Variants in CELF2 observed in about 807,000 individuals in gnomAD.
CELF2 encodes CUG triplet repeat RNA-binding protein 2.
Under a neutral mutation model 62.6 loss-of-function variants are expected in CELF2, and 8 were observed. The ratio of observed to expected loss-of-function variants is 0.13; its 90% confidence interval spans 0.07 to 0.23. The LOEUF (loss-of-function observed/expected upper bound fraction) is 0.23, where lower values mean the gene tolerates loss of function less well. Ranked by LOEUF, CELF2 falls within the 10% of genes least tolerant of loss-of-function variation. The pLI is 1.00. For synonymous variants in CELF2, 258 were observed against 250.0 expected, an observed-to-expected ratio of 1.03 and a Z score of -0.30; for missense variants, 333 against 671.0, an observed-to-expected ratio of 0.50 and a Z score of 5.56.
chr10:10,739,704 C>T, the CELF2 span, among the ~76,000 whole-genome samples: 20 of 152,142 alleles, frequency 1.3e-4, 1 homozygote, highest in Admixed American at 5.2e-4. Context: ...CTTATGTCTC[C>T]TTAGTTTCCC....
intron 1 of CELF2, among the ~76,000 whole-genome samples, chr10:11,028,944 C>A (rs1308549309): frequency 6.6e-6 from 1 of 152,154 alleles, no homozygotes; most frequent in African/African-American, 2.4e-5. Context: ...GAACTCCTGA[C>A]CTCAAGTGGT....
At chr10:10,638,434 T>A in the CELF2 span, among the ~76,000 whole-genome samples, 4 of 152,168 alleles carry the variant, frequency 2.6e-5, no homozygotes, top group African/African-American at 9.7e-5. Context: ...AGTGGGATAA[T>A]CAGAGTGTGG....
intron 1 of CELF2, among the ~76,000 whole-genome samples, chr10:10,850,949 G>A (rs1478233240): frequency 1.3e-5 from 2 of 152,014 alleles, no homozygotes; most frequent in Non-Finnish European, 2.9e-5. Context: ...GGGATTATAG[G>A]CGCCCCCCAC....
chr10:11,129,499 G>C (rs1272818573), intron 1 of CELF2, among the ~76,000 whole-genome samples: 1 of 152,128 alleles, frequency 6.6e-6, no homozygotes. Flanking sequence ...CTGTGAATCT[G>C]TCTGGTCCTG....
chr10:11,201,426 T>G (rs971751688), intron 2 of CELF2, among the ~76,000 whole-genome samples: 2 of 152,168 alleles, frequency 1.3e-5, no homozygotes, highest in African/African-American at 4.8e-5. Context: ...TGTGTGTGTG[T>G]TTTGTTACTT....
the CELF2 span, among the ~76,000 whole-genome samples, chr10:10,778,102 G>A: frequency 6.6e-6 from 1 of 152,174 alleles, no homozygotes; most frequent in African/African-American, 2.4e-5. Flanking sequence ...AAAGAGTCCA[G>A]TGTCGTGACA....
the CELF2 span, among the ~76,000 whole-genome samples, chr10:10,691,566 C>T: frequency 6.6e-6 from 1 of 151,936 alleles, no homozygotes; most frequent in East Asian, 1.9e-4. Context: ...CTTCTAGATC[C>T]CTGAGGAATC....
At chr10:11,179,240 G>T (rs894199974) in intron 2 of CELF2, among the ~76,000 whole-genome samples, 6 of 151,454 alleles carry the variant, frequency 4.0e-5, no homozygotes, top group Non-Finnish European at 8.8e-5. Flanking sequence ...TTCTTTCCTG[G>T]CATTCATTCA....
Position 11,173,077 on chromosome 10 carries a change from C to G in CELF2, c.271+7395C>G, listed in dbSNP as rs190100299. Among the ~76,000 whole-genome samples, 3 of 126,768 alleles carry G rather than the reference C, an allele frequency of 2.4e-5. No homozygotes were observed. The East Asian group carries it at 7.1e-4, about 30-fold the overall frequency. 83.2% of individuals were successfully genotyped at this position (126,768 alleles called of 152,430 possible). On this transcript the variant is annotated intron_variant, in intron 2 of 12. Transcript: ENST00000633077. ...TGCATGTCTAGGCTGCCTGTCTAGGCTGCCTGTCTAGAAGCCTCACTTGCC... is the reference window on the plus strand; with the variant it reads ...TGCATGTCTAGGCTGCCTGTCTAGGGTGCCTGTCTAGAAGCCTCACTTGCC...
In CELF2 at chr10:11,330,701, C is replaced by T. The variant is rs375466390; in HGVS notation, c.*1648C>T. On this transcript the variant is annotated 3_prime_UTR_variant, in exon 13 of 13. Coordinates refer to ENST00000633077, the MANE Select transcript of CELF2 (RefSeq NM_001326342.2). The surrounding 1 kb of genome is among the most constrained non-coding windows in gnomAD (Gnocchi z 4.5). ...TGCAAGACTGAAATTTATTATTAGA[C>T]AAATTCATTATAGAAAAAACCTGTG... The T allele has an allele frequency of 6.6e-6, 1 of 152,570 alleles. No homozygotes were observed. Among genetic ancestry groups the T allele is most frequent in the East Asian group, 1.9e-4 (1 of 5,198 alleles). The allele number at this position is 152,570 out of a possible 1,614,324, so 9.5% of individuals were successfully genotyped here.
intron 1 of CELF2, among the ~76,000 whole-genome samples, chr10:10,843,075 T>C (rs2058786565): frequency 6.6e-6 from 1 of 152,006 alleles, no homozygotes; most frequent in African/African-American, 2.4e-5. Context: ...AATTTGTAGT[T>C]ATAGGGTTGT....
chr10:10,668,769 C>A, the CELF2 span, among the ~76,000 whole-genome samples: 2 of 152,044 alleles, frequency 1.3e-5, no homozygotes, highest in East Asian at 1.9e-4. Context: ...ACCAGCCTAG[C>A]CAACATGATG....
In CELF2 at chr10:11,303,929, C is replaced by T. The variant is rs141653255; in HGVS notation, c.977-10210C>T. On this transcript the variant is annotated intron_variant, in intron 9 of 12. Coordinates refer to ENST00000633077, the MANE Select transcript of CELF2 (RefSeq NM_001326342.2). ...CTGTAAAGGACTTAATAGGCTAAGGCATGTGACGTGCTTTTGGCAATGAGC... is the reference window on the plus strand; with the variant it reads ...CTGTAAAGGACTTAATAGGCTAAGGTATGTGACGTGCTTTTGGCAATGAGC... Among the ~76,000 whole-genome samples the T allele has an allele frequency of 3.8e-3, 572 of 152,324 alleles. 3 individuals carry two copies. Among genetic ancestry groups the T allele is most frequent in the African/African-American group, 0.013 (548 of 41,554 alleles).
chr10:10,859,413 G>A (rs1360228535), intron 1 of CELF2, among the ~76,000 whole-genome samples: 1 of 151,776 alleles, frequency 6.6e-6, no homozygotes, highest in Admixed American at 6.6e-5. Context: ...AGAAAGATCT[G>A]TTTTTTTTCT....
the CELF2 span, among the ~76,000 whole-genome samples, chr10:10,480,747 A>C: frequency 6.6e-6 from 1 of 152,216 alleles, no homozygotes; most frequent in Non-Finnish European, 1.5e-5. Context: ...ACTAAAAACT[A>C]TATTATACAG....
At chr10:10,919,367 A>G (rs1039427049) in intron 1 of CELF2, among the ~76,000 whole-genome samples, 4 of 152,184 alleles carry the variant, frequency 2.6e-5, no homozygotes, top group African/African-American at 9.6e-5. Flanking sequence ...TTAATATGCA[A>G]AAGCCTTTCT....
chr10:11,227,811 G>A lies in CELF2; in HGVS notation c.354+10304G>A, dbSNP rs913075083. Reference sequence around the variant, plus strand: ...CGCATCAGGGACGAGGGTACCGAGTGAGAGCAAAGGATAGGCTCCTGCAAA... The same window carrying A: ...CGCATCAGGGACGAGGGTACCGAGTAAGAGCAAAGGATAGGCTCCTGCAAA... On this transcript the variant is annotated intron_variant, in intron 3 of 12. Transcript: ENST00000633077. The surrounding 1 kb of genome is among the most constrained non-coding windows in gnomAD (Gnocchi z 4.8). Among the ~76,000 whole-genome samples, 4 of 152,142 alleles carry A rather than the reference G, an allele frequency of 2.6e-5. No homozygotes were observed. Among genetic ancestry groups the A allele is most frequent in the Non-Finnish European group, 4.4e-5 (3 of 68,022 alleles).
the CELF2 span, among the ~76,000 whole-genome samples, chr10:10,576,182 G>T: frequency 2.8e-4 from 42 of 152,254 alleles, no homozygotes; most frequent in African/African-American, 9.6e-4. Flanking sequence ...GGGAGCTAGA[G>T]ACCAAATTGG....
intron 1 of CELF2, among the ~76,000 whole-genome samples, chr10:10,836,763 G>C (rs1367567200): frequency 6.6e-6 from 1 of 152,160 alleles, no homozygotes; most frequent in Non-Finnish European, 1.5e-5. Flanking sequence ...AGCTTCCCGA[G>C]TAACTGGGAC....
Sources: allele counts gnomAD v4.1 joint callset (sites outside exome capture counted in the v4.1 genomes callset), GRCh38; gene constraint gnomAD v4.1.1; non-coding constraint Gnocchi (gnomAD v3.1); transcripts MANE v1.5; gene names NCBI Gene and HGNC (gene_info 2026-07-23, HGNC 2026-07-21).